Variants in ZNF669 observed in about 807,000 individuals in gnomAD.
The protein encoded by ZNF669 is zinc finger protein 669.
Under a neutral mutation model 11.4 loss-of-function variants are expected in ZNF669, and 7 were observed. The ratio of observed to expected loss-of-function variants is 0.62; its 90% confidence interval spans 0.35 to 1.16. The LOEUF is 1.16. Ranked by LOEUF, ZNF669 falls within the 50% of genes most tolerant of loss-of-function variation. The pLI is 0.02. For missense variants in ZNF669, 492 were observed against 463.6 expected, an observed-to-expected ratio of 1.06 and a Z score of -0.56; for synonymous variants, 153 against 155.8, an observed-to-expected ratio of 0.98 and a Z score of 0.13.
chr1:247,101,922 T>A lies in ZNF669; in HGVS notation c.130+65A>T, dbSNP rs1671732725. The A allele has an allele frequency of 5.6e-6, 9 of 1,611,424 alleles. No homozygotes were observed. The Admixed American group carries it at 1.0e-4, about 18-fold the overall frequency. On this transcript the variant is annotated intron_variant, in intron 2 of 3. Coordinates refer to ENST00000448299, the MANE Select transcript of ZNF669 (RefSeq NM_001142572.2). ...AATCATTCCCTTGCCACATTCCAAA[T>A]CATAAATAGCACTGATGATAGGGAA... is the stretch of plus-strand genomic sequence containing the variant.
chr1:247,100,605 T>C lies in ZNF669; in HGVS notation c.906A>G (p.Lys302=). 6.2e-7 allele frequency: 1 copy of C among 1,614,176 alleles called. No homozygotes were observed. Among genetic ancestry groups the C allele is most frequent in the Non-Finnish European group, 8.5e-7 (1 of 1,180,016 alleles). Residue 302 remains lysine (K), a synonymous_variant, in exon 4 of 4, where the codon AAA becomes AAG. Coordinates refer to ENST00000448299, the MANE Select transcript of ZNF669 (RefSeq NM_001142572.2). Reference sequence around the variant, plus strand: ...GATCACATTGTTTACATTCATAGGGTTTCTCTCCGGTATGAGTACTTCTAT... The same window carrying C: ...GATCACATTGTTTACATTCATAGGGCTTCTCTCCGGTATGAGTACTTCTAT... ...CNHRSTHTGE[K]PYECKQCDQA...
chr1:247,103,939 C>G (rs1049364776), intron 1 of ZNF669: 2 of 1,598,656 alleles, frequency 1.3e-6, no homozygotes, highest in Non-Finnish European at 8.5e-7. Flanking sequence ...ACCACACTAC[C>G]TGGATAGGGG....
chr1:247,100,267 A>G lies in ZNF669; in HGVS notation c.*107T>C. On this transcript the variant is annotated 3_prime_UTR_variant, in exon 4 of 4. Transcript: ENST00000448299. ...CCAAAGTGCTGGGATTACAGGCGTA[A>G]GCCACCGTGCCCGGCATTATTTTAT... 1 of 737,896 alleles carries G rather than the reference A, an allele frequency of 1.4e-6. No homozygotes were observed. The highest frequency in any genetic ancestry group is 2.2e-6 in the Non-Finnish European group (1 of 462,420). The allele number at this position is 737,896 out of a possible 1,614,324, so 45.7% of individuals were successfully genotyped here. A position where few individuals can be genotyped will look rare whatever the true frequency, so the allele number is the denominator to read the frequency against.
At position 247,100,967 on chromosome 1, in the gene ZNF669, G is replaced by T; in HGVS notation, c.544C>A (p.His182Asn). The change falls in exon 4 of 4, where the codon CAT becomes AAT. Residue 182 changes from histidine to asparagine, a missense_variant. His to Asn is a moderately conservative substitution (Grantham distance 68). Coordinates refer to ENST00000448299, the MANE Select transcript of ZNF669 (RefSeq NM_001142572.2). The stretch of plus-strand genomic sequence containing the variant: ...TTTTCTCCTGTGTGAGTTCTCTGAT[G>T]TCTTTCAACTGAATTGAGAAAATAA... The part of the protein sequence containing the change: ...AFYFLNSVER[H>N]QRTHTGEKPY... The T allele has an allele frequency of 6.2e-7, 1 of 1,613,264 alleles. No individual in the cohort carries two copies. Among genetic ancestry groups the T allele is most frequent in the Non-Finnish European group, 8.5e-7 (1 of 1,179,832 alleles).
intron 3 of ZNF669, 38 bp downstream of exon 3, chr1:247,101,693 T>A: frequency 6.4e-7 from 1 of 1,565,398 alleles, no homozygotes; most frequent in Non-Finnish European, 8.7e-7. Context: ...CTAAGATTCC[T>A]TCAGAGGACT....
In ZNF669 at chr1:247,104,123, G is replaced by A. The variant is rs61737554; in HGVS notation, c.3+74C>T. On this transcript the variant is annotated intron_variant, in intron 1 of 3. Coordinates refer to ENST00000448299, the MANE Select transcript of ZNF669 (RefSeq NM_001142572.2). The stretch of plus-strand genomic sequence containing the variant: ...CAGGTTCCGGAGCCGATGGCGTGGA[G>A]GCCCGAGTCGCGCCACAGCAGGTTT... 2.9e-3 allele frequency: 4,684 copies of A among 1,591,480 alleles called. 14 individuals carry two copies. Among genetic ancestry groups the A allele is most frequent in the Non-Finnish European group, 3.7e-3 (4,276 of 1,170,136 alleles).
rs1671696640 is a variant in ZNF669 at position 247,100,525 on chromosome 1, T to TC, written c.985dup (p.Glu329GlyfsTer5). ...GCATTTCTTACATTCATAGGGTTTT[T>TC]CTCCAGTATGAATTCTTTCGTGGAG... On this transcript the variant is annotated frameshift_variant, in exon 4 of 4. Coordinates refer to ENST00000448299, the MANE Select transcript of ZNF669 (RefSeq NM_001142572.2). LOFTEE classifies it low-confidence loss of function (END_TRUNC). 6.2e-7 allele frequency: 1 copy of TC among 1,614,258 alleles called. No homozygotes were observed. The highest frequency in any genetic ancestry group is 2.2e-5 in the East Asian group (1 of 44,892).
chr1:247,103,842 G>A, intron 1 of ZNF669: 1 of 1,398,964 alleles, frequency 7.1e-7, no homozygotes, highest in Non-Finnish European at 9.5e-7. Context: ...GGGACTGGAA[G>A]CCCCATGAAC....
At chr1:247,104,030 C>A in intron 1 of ZNF669, 167 bp downstream of exon 1, 1 of 1,588,140 alleles carries the variant, frequency 6.3e-7, no homozygotes, top group East Asian at 2.3e-5. Context: ...TTCCGCTGCC[C>A]GCCCCGCCCG....
intron 1 of ZNF669, 125 bp downstream of exon 1, chr1:247,104,072 C>G (rs757404068): frequency 5.7e-6 from 9 of 1,584,542 alleles, no homozygotes; most frequent in Non-Finnish European, 5.1e-6. Context: ...GACTGAGCCC[C>G]GGCTACGCCA....
intron 1 of ZNF669, among the ~76,000 whole-genome samples, chr1:247,103,441 C>T (rs954332807): frequency 2.0e-5 from 3 of 152,028 alleles, no homozygotes; most frequent in Admixed American, 6.6e-5. Flanking sequence ...CGAGACCAAC[C>T]TAGCCAACAT....
At chr1:247,101,854 T>C (rs1671731363) in intron 2 of ZNF669, 63 bp from the exon 3 acceptor site, 1 of 1,604,702 alleles carries the variant, frequency 6.2e-7, no homozygotes, top group South Asian at 1.1e-5. Context: ...TTACTAGATT[T>C]AATGTTCACT....
chr1:247,102,691 C>G (rs953352891), intron 1 of ZNF669, among the ~76,000 whole-genome samples: 1 of 152,174 alleles, frequency 6.6e-6, no homozygotes, highest in Non-Finnish European at 1.5e-5. Context: ...ACAGTCTGAA[C>G]ACTAAGTGTT....
At chr1:247,103,460 C>T (rs1464906712) in intron 1 of ZNF669, among the ~76,000 whole-genome samples, 1 of 151,850 alleles carries the variant, frequency 6.6e-6, no homozygotes, top group African/African-American at 2.4e-5. Flanking sequence ...ATGGCGAAAC[C>T]CTGTCTCTAC....
intron 2 of ZNF669, 55 bp from the exon 3 acceptor site, chr1:247,101,846 A>G: frequency 6.2e-7 from 1 of 1,606,470 alleles, no homozygotes. Context: ...TAGACACATT[A>G]CTAGATTTAA....
At position 247,101,310 on chromosome 1, in the gene ZNF669, GAT is replaced by G; in HGVS notation, c.199_200del (p.Ile67ArgfsTer6). 1 of 1,552,804 alleles carries G rather than the reference GAT, an allele frequency of 6.4e-7. No individual in the cohort carries two copies. Among genetic ancestry groups the G allele is most frequent in the Non-Finnish European group, 8.6e-7 (1 of 1,156,408 alleles). ...CTTTACTTTCACACAGTCTCTGTAC[GAT>G]ATGATTTCTGTAAAAAAATGACAAG... is the stretch of plus-strand genomic sequence containing the variant. ...EKPGKDIRNHIVQRLCESKED... is the reference protein window; with the variant it reads ...EKPGKDIRNHXVQRLCESKED... On this transcript the variant is annotated frameshift_variant, in exon 4 of 4. Coordinates refer to ENST00000448299, the MANE Select transcript of ZNF669 (RefSeq NM_001142572.2). LOFTEE classifies it low-confidence loss of function (END_TRUNC).
Position 247,100,980 on chromosome 1 carries a change from A to G in ZNF669, c.531T>C (p.Asn177=), listed in dbSNP as rs1671711568. Residue 177 remains asparagine, a synonymous_variant, in exon 4 of 4, where the codon AAT becomes AAC. Transcript: ENST00000448299. ...TICGKAFYFL[N]SVERHQRTHT... is the part of the protein sequence containing the mutation. ...GAGTTCTCTGATGTCTTTCAACTGA[A>G]TTGAGAAAATAAAAAGCTTTCCCAC... 6.2e-7 allele frequency: 1 copy of G among 1,613,086 alleles called. No individual in the cohort carries two copies. Among genetic ancestry groups the G allele is most frequent in the South Asian group, 1.1e-5 (1 of 90,888 alleles).
In ZNF669 at chr1:247,100,509, ACATT is replaced by A. The variant is rs770214421; in HGVS notation, c.998_1001del (p.Glu333ValfsTer23). The A allele has an allele frequency of 6.2e-7, 1 of 1,613,422 alleles. No individual in the cohort carries two copies. Among genetic ancestry groups the A allele is most frequent in the South Asian group, 1.1e-5 (1 of 91,082 alleles). On this transcript the variant is annotated frameshift_variant, in exon 4 of 4. Coordinates refer to ENST00000448299, the MANE Select transcript of ZNF669 (RefSeq NM_001142572.2). LOFTEE classifies it low-confidence loss of function (END_TRUNC). ...GAGTGTAGGCTTTACCGCATTTCTT[ACATT>A]CATAGGGTTTTTCTCCAGTATGAAT...
rs1384387319 is a variant in ZNF669, at chr1:247,100,641, G to T, written c.870C>A (p.Ser290=). ...TATGAGTACTTCTATGGTTACAAAG[G>T]GAACTCAAACGACTAAAGGCTTTGC... ...QCGKAFSRLS[S]LCNHRSTHTG... Residue 290 remains serine (S), a synonymous_variant, in exon 4 of 4, where the codon TCC becomes TCA. Coordinates refer to ENST00000448299, the MANE Select transcript of ZNF669 (RefSeq NM_001142572.2). 2 of 1,613,944 alleles carry T rather than the reference G, an allele frequency of 1.2e-6. No homozygotes were observed. The highest frequency in any genetic ancestry group is 1.7e-6 in the Non-Finnish European group (2 of 1,179,894).
Sources: allele counts gnomAD v4.1 joint callset (sites outside exome capture counted in the v4.1 genomes callset), GRCh38; gene constraint gnomAD v4.1.1; transcripts MANE v1.5; gene names NCBI Gene and HGNC (gene_info 2026-07-23, HGNC 2026-07-21).